ERCC6L2: variants seen among roughly 807,000 people sequenced by gnomAD.
ERCC6L2 encodes the protein DNA excision repair protein ERCC-6-like 2.
Under a neutral mutation model 132.0 loss-of-function variants are expected in ERCC6L2, and 77 were observed. That is an observed-to-expected ratio of 0.58 (90% CI 0.49 to 0.71). ERCC6L2 has a LOEUF of 0.71. Among genes scored for constraint, ERCC6L2 ranks in the 30% least tolerant of loss-of-function variants. ERCC6L2 has a pLI of 0.00. For synonymous variants in ERCC6L2, 583 were observed against 632.4 expected (o/e 0.92, Z 1.17); for missense variants, 1,542 against 1,837.6 (o/e 0.84, Z 2.94).
At chr9:95,880,727 C>A in intron 1 of ERCC6L2, 142 bp from the exon 2 acceptor site, 1 of 627,022 alleles carries the variant, frequency 1.6e-6, no homozygotes, top group Non-Finnish European at 2.7e-6. Context: ...AGAAAAATAT[C>A]TATACATGTT....
At chr9:95,947,300 C>CCAGCCACAGCATTCCATT (rs1381398022) in intron 12 of ERCC6L2, among the ~76,000 whole-genome samples, 1 of 152,192 alleles carries the variant, frequency 6.6e-6, no homozygotes, top group Non-Finnish European at 1.5e-5. Context: ...AAAGATCAAA[C>CCAGCCACAGCATTCCATT]CAGCCACAGC....
chr9:95,967,732 G>A (rs1832225043), intron 14 of ERCC6L2: 1 of 152,014 alleles, frequency 6.6e-6, no homozygotes, highest in Non-Finnish European at 1.5e-5. Flanking sequence ...GAATTCAGTG[G>A]CCCATTTGGA....
chr9:96,008,365 C>A (rs1833926735), intron 18 of ERCC6L2, among the ~76,000 whole-genome samples: 1 of 152,154 alleles, frequency 6.6e-6, no homozygotes, highest in African/African-American at 2.4e-5. Context: ...ACCTCATGAT[C>A]AGTAAGTTTG....
In ERCC6L2 at chr9:96,004,674, T is replaced by C. The variant is rs972407427; in HGVS notation, c.3647T>C (p.Ile1216Thr). The C allele has an allele frequency of 4.5e-6, 6 of 1,343,606 alleles. No homozygotes were observed. The highest frequency in any genetic ancestry group is 2.0e-5 in the Admixed American group (1 of 49,234). The allele number at this position is 1,343,606 out of a possible 1,614,324, so 83.2% of individuals were successfully genotyped here. ...CATACAAACCAGACCACCTTCATAA[T>C]TGGAGAAACACCAAAAGGAATCCGC... ...VYHTNQTTFI[I>T]GETPKGIRRK... Residue 1216 changes from isoleucine to threonine, a missense_variant, in exon 18 of 19, where the codon ATT (isoleucine) becomes ACT (threonine). Transcript: ENST00000653738.
At chr9:96,002,088 G>A (rs563740416) in intron 17 of ERCC6L2, among the ~76,000 whole-genome samples, 44 of 152,318 alleles carry the variant, frequency 2.9e-4, no homozygotes, top group Admixed American at 5.2e-4. Flanking sequence ...CCCGGTTCCC[G>A]CGCGTGCCTC....
intron 6 of ERCC6L2, 33 bp downstream of exon 6, chr9:95,916,467 G>A (rs750252567): frequency 1.4e-6 from 2 of 1,429,388 alleles, no homozygotes; most frequent in Non-Finnish European, 1.8e-6. Context: ...TTATTAATTT[G>A]TGGTCATATT....
intron 2 of ERCC6L2, among the ~76,000 whole-genome samples, chr9:95,890,455 A>G (rs553835542): frequency 5.9e-5 from 9 of 152,334 alleles, no homozygotes; most frequent in Admixed American, 1.3e-4. Context: ...GGTTGGTCAG[A>G]CACCAAAGTC....
chr9:95,943,634 A>G (rs956581864), intron 12 of ERCC6L2, among the ~76,000 whole-genome samples: 2 of 152,202 alleles, frequency 1.3e-5, no homozygotes, highest in African/African-American at 2.4e-5. Flanking sequence ...TCTAGAATAT[A>G]AAAAGAACTC....
downstream of ERCC6L2, among the ~76,000 whole-genome samples, chr9:96,022,292 T>G (rs960916440): frequency 5.3e-5 from 8 of 151,966 alleles, no homozygotes; most frequent in Non-Finnish European, 1.0e-4. Flanking sequence ...CCGCGGCGGG[T>G]GCAAGCCTCC....
chr9:95,879,364 A>G (rs1373390276), intron 1 of ERCC6L2, among the ~76,000 whole-genome samples: 1 of 152,258 alleles, frequency 6.6e-6, no homozygotes, highest in Non-Finnish European at 1.5e-5. Context: ...ATTTGTGCTT[A>G]AATCACATAT....
chr9:95,927,883 T>C (rs984514924), intron 9 of ERCC6L2, among the ~76,000 whole-genome samples, 196 bp from the exon 10 acceptor site: 4 of 152,136 alleles, frequency 2.6e-5, no homozygotes, highest in African/African-American at 4.8e-5. Flanking sequence ...ATTGACAATA[T>C]GATGATGAAT....
intron 2 of ERCC6L2, among the ~76,000 whole-genome samples, chr9:95,883,629 G>A (rs1800556269): frequency 6.6e-6 from 1 of 152,214 alleles, no homozygotes. Context: ...GGGAGGCCAA[G>A]GCGGGCGGAT....
chr9:95,906,898 C>T lies in ERCC6L2; in HGVS notation c.595-180C>T, dbSNP rs56930274. Among the ~76,000 whole-genome samples, 857 of 152,186 alleles carry T rather than the reference C, an allele frequency of 5.6e-3. 19 individuals carry two copies. The East Asian group carries it at 0.09, about 16-fold the overall frequency. ...TCCTGATAAAAAGCTAATTAAACAG[C>T]AAATTATTTTTTGAGAATCTTCAAT... On this transcript the variant is annotated intron_variant, in intron 3 of 18. Transcript: ENST00000653738.
chr9:95,943,586 A>G (rs1045001344), intron 12 of ERCC6L2, among the ~76,000 whole-genome samples: 3 of 152,172 alleles, frequency 2.0e-5, no homozygotes, highest in Non-Finnish European at 2.9e-5. Flanking sequence ...GAATGGGAGA[A>G]AATATTTTCA....
intron 18 of ERCC6L2, among the ~76,000 whole-genome samples, chr9:96,005,496 A>G (rs536474121): frequency 1.3e-5 from 2 of 152,180 alleles, no homozygotes; most frequent in East Asian, 3.9e-4. Context: ...GTCAGGGAAG[A>G]CTGTCTACAT....
chr9:95,891,175 TGCACTCCAGCCTGG>T (rs1157452650), intron 2 of ERCC6L2, among the ~76,000 whole-genome samples: 2 of 152,152 alleles, frequency 1.3e-5, no homozygotes, highest in Non-Finnish European at 2.9e-5. Flanking sequence ...ATCGCACCAT[TGCACTCCAGCCTGG>T]GCAACAAGTG....
chr9:95,907,857 C>CACACACACACACACACACACACACACACA, intron 4 of ERCC6L2, among the ~76,000 whole-genome samples: 33 of 133,802 alleles, frequency 2.5e-4, no homozygotes, highest in East Asian at 9.5e-4. Flanking sequence ...ACACACACAC[C>CACACACACACACACACACACACACACACA]CCCACACCCA....
At chr9:95,949,881 G>A (rs567848993) in intron 12 of ERCC6L2, among the ~76,000 whole-genome samples, 102 of 152,128 alleles carry the variant, frequency 6.7e-4, no homozygotes, top group Non-Finnish European at 6.6e-4. Flanking sequence ...GGTGGCAGGC[G>A]CCTATAATCC....
Position 96,002,087 on chromosome 9 carries a change from C to T in ERCC6L2, c.3493-2433C>T, listed in dbSNP as rs200144819. Among the ~76,000 whole-genome samples, 9 of 152,366 alleles carry T rather than the reference C, an allele frequency of 5.9e-5. No individual in the cohort carries two copies. In the East Asian group the frequency reaches 7.7e-4, roughly 13 times the overall value. ...AAGCGCCACACACAGCCCCGGTTCC[C>T]GCGCGTGCCTCTCCCTCCACACCTC... On this transcript the variant is annotated intron_variant, in intron 17 of 18. Coordinates refer to ENST00000653738, the MANE Select transcript of ERCC6L2 (RefSeq NM_020207.7).
Sources: gnomAD v4.1 joint callset for allele counts (sites outside exome capture counted in the v4.1 genomes callset) on GRCh38, gnomAD v4.1.1 for gene constraint, MANE v1.5 for transcripts, NCBI Gene and HGNC (gene_info 2026-07-23, HGNC 2026-07-21) for gene names.